Variants in PTPRM observed in about 807,000 individuals in gnomAD.
PTPRM encodes the protein protein tyrosine phosphatase receptor type M, also known as receptor-type tyrosine-protein phosphatase mu.
PTPRM carries 47 observed loss-of-function variants against 186.7 expected under a neutral mutation model. The ratio of observed to expected loss-of-function variants is 0.25; its 90% CI spans 0.20 to 0.32. The LOEUF (loss-of-function observed/expected upper bound fraction) is 0.32. Ranked by LOEUF, PTPRM falls within the 10% of genes least tolerant of loss-of-function variation. The probability of loss-of-function intolerance (pLI) is 1.00; values close to 1 mark genes in which losing one functional copy is unlikely to be tolerated. For missense variants in PTPRM, 1,494 were observed against 1,865.0 expected (o/e 0.80, Z 3.66); for synonymous variants, 668 against 674.9 (o/e 0.99, Z 0.16).
In PTPRM at chr18:8,161,931, T is replaced by C. The variant is rs569017416; in HGVS notation, c.2300+18152T>C. Among the ~76,000 whole-genome samples the C allele has an allele frequency of 2.0e-5, 3 of 152,214 alleles. No individual in the cohort carries two copies. In the East Asian group the frequency reaches 5.8e-4, roughly 29 times the overall value. Reference sequence around the variant, plus strand: ...TGGTTTGGAATAAGTGTGCCTCCCATTTCTAATTAGAGCTCATCCCTGTGT... The same window carrying C: ...TGGTTTGGAATAAGTGTGCCTCCCACTTCTAATTAGAGCTCATCCCTGTGT... On this transcript the variant is annotated intron_variant, in intron 14 of 32. Transcript: ENST00000580170.
intron 22 of PTPRM, among the ~76,000 whole-genome samples, chr18:8,320,894 G>A (rs2095341672): frequency 1.3e-5 from 2 of 152,162 alleles, no homozygotes; most frequent in Admixed American, 1.3e-4. Context: ...GTATGAACCT[G>A]GCACAAAGCA....
chr18:8,050,935 G>A, intron 7 of PTPRM, among the ~76,000 whole-genome samples: 1 of 152,110 alleles, frequency 6.6e-6, no homozygotes, highest in East Asian at 1.9e-4. Flanking sequence ...AGGGGAGGGG[G>A]AGCAACAACT....
At chr18:8,289,525 C>CATATATATACACATATATATATATAT (rs1411683378) in intron 19 of PTPRM, among the ~76,000 whole-genome samples, 1 of 79,816 alleles carries the variant, frequency 1.3e-5, no homozygotes, top group Non-Finnish European at 2.4e-5. Context: ...TATATATATA[C>CATATATATACACATATATATATATAT]ATATATATAC....
chr18:7,996,576 A>G (rs1304044546), intron 7 of PTPRM, among the ~76,000 whole-genome samples: 1 of 152,158 alleles, frequency 6.6e-6, no homozygotes, highest in African/African-American at 2.4e-5. Context: ...AAAGTCTCCA[A>G]ATTGGAAAGG....
rs200431541 is a variant in PTPRM at position 8,105,118 on chromosome 18, T to C, written c.1857-8368T>C. 3.4e-4 allele frequency among the ~76,000 whole-genome samples: 52 copies of C among 152,302 alleles called. No homozygotes were observed. The East Asian group carries it at 0.01, about 29-fold the overall frequency. ...ACTTCTAATAATTTTCCTTTATTCA[T>C]TGAGGTACACATAGGATCAAAATGT... On this transcript the variant is annotated intron_variant, in intron 11 of 32. Coordinates refer to ENST00000580170, the MANE Select transcript of PTPRM (RefSeq NM_001105244.2).
At chr18:7,829,827 C>G (rs1417776531) in intron 2 of PTPRM, among the ~76,000 whole-genome samples, 1 of 152,126 alleles carries the variant, frequency 6.6e-6, no homozygotes, top group Non-Finnish European at 1.5e-5. Context: ...ATCTCCCTCC[C>G]TCTCTCCCTC....
At chr18:7,934,551 A>G (rs2146891431) in intron 5 of PTPRM, among the ~76,000 whole-genome samples, 1 of 152,356 alleles carries the variant, frequency 6.6e-6, no homozygotes, top group South Asian at 2.1e-4. Context: ...CTTTTGAATG[A>G]ATAAATTAAA....
intron 1 of PTPRM, among the ~76,000 whole-genome samples, chr18:7,580,707 T>C (rs1288390694): frequency 1.3e-5 from 2 of 152,112 alleles, no homozygotes; most frequent in African/African-American, 4.8e-5. Context: ...AACGGAGACT[T>C]TGGGAGGTAA....
chr18:8,228,086 G>A (rs778767417), intron 14 of PTPRM, among the ~76,000 whole-genome samples: 3 of 152,214 alleles, frequency 2.0e-5, no homozygotes, highest in Admixed American at 1.3e-4. Context: ...GGCGTTAGGC[G>A]CTCACGTGAG....
At chr18:7,811,607 C>G (rs989451708) in intron 2 of PTPRM, among the ~76,000 whole-genome samples, 1 of 152,182 alleles carries the variant, frequency 6.6e-6, no homozygotes, top group African/African-American at 2.4e-5. Context: ...TCAAGCATTT[C>G]TCCCATCTCA....
chr18:7,723,784 C>T (rs539459392), intron 1 of PTPRM, among the ~76,000 whole-genome samples: 4 of 152,244 alleles, frequency 2.6e-5, no homozygotes, highest in South Asian at 2.1e-4. Context: ...CCTGGGGGCG[C>T]GGGCTGGGAG....
intron 7 of PTPRM, among the ~76,000 whole-genome samples, chr18:8,018,286 A>G (rs1287575449): frequency 6.6e-6 from 1 of 152,172 alleles, no homozygotes; most frequent in Non-Finnish European, 1.5e-5. Context: ...TAGAGTTCAT[A>G]TCTAAACAAT....
At chr18:7,688,224 G>C (rs1456622334) in intron 1 of PTPRM, among the ~76,000 whole-genome samples, 1 of 152,098 alleles carries the variant, frequency 6.6e-6, no homozygotes, top group Non-Finnish European at 1.5e-5. Flanking sequence ...CTTACATTGG[G>C]CTTTTTGTGG....
chr18:7,765,874 C>A (rs951071557), intron 1 of PTPRM, among the ~76,000 whole-genome samples: 1 of 152,224 alleles, frequency 6.6e-6, no homozygotes, highest in African/African-American at 2.4e-5. Context: ...GTATTACAGT[C>A]TTTTTACAAA....
At chr18:7,772,700 T>G (rs1225832817) in intron 1 of PTPRM, among the ~76,000 whole-genome samples, 2 of 152,026 alleles carry the variant, frequency 1.3e-5, no homozygotes, top group African/African-American at 4.8e-5. Flanking sequence ...TGGATAGAAG[T>G]TGGACCAGGT....
chr18:8,072,115 A>G (rs2089517099), intron 8 of PTPRM, among the ~76,000 whole-genome samples: 1 of 152,164 alleles, frequency 6.6e-6, no homozygotes, highest in African/African-American at 2.4e-5. Flanking sequence ...TTTCTTCTAT[A>G]GCAATAGGCG....
chr18:7,812,615 A>G (rs2044586959), intron 2 of PTPRM, among the ~76,000 whole-genome samples: 1 of 152,208 alleles, frequency 6.6e-6, no homozygotes, highest in South Asian at 2.1e-4. Flanking sequence ...AGTGTGTGAA[A>G]ATAAAACTCT....
chr18:7,994,425 A>C (rs1229145766), intron 7 of PTPRM, among the ~76,000 whole-genome samples: 1 of 152,138 alleles, frequency 6.6e-6, no homozygotes, highest in Non-Finnish European at 1.5e-5. Context: ...GATAACCTAG[A>C]TAGAAAATCA....
rs948942222 is a variant in PTPRM at position 7,955,294 on chromosome 18, T to C, written c.1012T>C (p.Tyr338His). The C allele has an allele frequency of 2.5e-6, 4 of 1,614,174 alleles. No homozygotes were observed. The African/African-American group carries it at 4.0e-5, about 16-fold the overall frequency. Residue 338 changes from tyrosine to histidine, a missense_variant, in exon 7 of 33, where the codon TAT becomes CAT. By Grantham distance (83) the Tyr-to-His change is moderately conservative. Around this residue, in one of 3 missense-constraint regions of PTPRM, gnomAD observed 91 missense variants for 169.3 expected, o/e 0.54. Transcript: ENST00000580170. ...NDRQPVDSTS[Y>H]KIGHLDPDTE... ...CCGGCAGCCAGTCGATTCCACGAGC[T>C]ATAAAATTGGACACCTTGACCCAGA...
Sources: allele counts gnomAD v4.1 joint callset (sites outside exome capture counted in the v4.1 genomes callset), GRCh38; gene constraint gnomAD v4.1.1; regional missense constraint gnomAD v4.1.1; transcripts MANE v1.5; gene names NCBI Gene and HGNC (gene_info 2026-07-23, HGNC 2026-07-21).